The following TMEM255B variants were observed in gnomAD, a reference collection of about 807,000 sequenced individuals.
The protein encoded by TMEM255B is family with sequence similarity 70, member B.
In TMEM255B, 35 loss-of-function variants were observed where a neutral mutation model predicts 34.5. That is an observed-to-expected ratio of 1.01 (90% CI 0.77 to 1.34). The LOEUF (loss-of-function observed/expected upper bound fraction) is 1.34, where lower values mean the gene tolerates loss of function less well. Among genes scored for constraint, TMEM255B ranks in the 40% most tolerant of loss-of-function variants. The probability of loss-of-function intolerance (pLI) is 0.00; values close to 1 mark genes in which losing one functional copy is unlikely to be tolerated. For missense variants in TMEM255B, 432 were observed against 433.2 expected (o/e 1.00, Z 0.02); for synonymous variants, 206 against 201.2 (o/e 1.02, Z -0.20).
At chr13:113,804,480 G>T (rs1188137383) in intron 7 of TMEM255B, among the ~76,000 whole-genome samples, 1 of 152,176 alleles carries the variant, frequency 6.6e-6, no homozygotes, top group Non-Finnish European at 1.5e-5. Context: ...GTAAAAGAGA[G>T]CCCGAGCCGA....
At chr13:113,771,881 G>T (rs1440057199) in intron 3 of TMEM255B, among the ~76,000 whole-genome samples, 2 of 152,136 alleles carry the variant, frequency 1.3e-5, no homozygotes, top group African/African-American at 4.8e-5. Flanking sequence ...GAGTGGAATT[G>T]CTGGGTCATA....
chr13:113,815,084 C>G lies in TMEM255B; in HGVS notation c.*3181C>G, dbSNP rs1351805800. 1 of 152,096 alleles carries G rather than the reference C, an allele frequency of 6.6e-6. No individual in the cohort carries two copies. Among genetic ancestry groups the G allele is most frequent in the Non-Finnish European group, 1.5e-5 (1 of 68,090 alleles). 9.4% of individuals were successfully genotyped at this position (152,096 alleles called of 1,614,324 possible). A position where few individuals can be genotyped will look rare whatever the true frequency, so the allele number is the denominator to read the frequency against. ...AGGGGTCCGTTGAGACTGGCCCCACCTTATTAGCTTGGGACCTTGGGTTAC... is the reference window on the plus strand; with the variant it reads ...AGGGGTCCGTTGAGACTGGCCCCACGTTATTAGCTTGGGACCTTGGGTTAC... On this transcript the variant is annotated 3_prime_UTR_variant, in exon 9 of 9. Transcript: ENST00000375353.
At chr13:113,811,227 TGA>T (rs2051295280) in intron 8 of TMEM255B, among the ~76,000 whole-genome samples, 1 of 58,542 alleles carries the variant, frequency 1.7e-5, no homozygotes, top group Non-Finnish European at 3.1e-5. Flanking sequence ...GGGGGGCCGG[TGA>T]GAGAGGTCCT....
chr13:113,809,925 C>T (rs1453932450), intron 8 of TMEM255B, among the ~76,000 whole-genome samples: 3 of 152,158 alleles, frequency 2.0e-5, no homozygotes, highest in South Asian at 2.1e-4. Flanking sequence ...GTGTGAGTTT[C>T]GGGGGAAGAA....
At chr13:113,773,904 A>G (rs562261977) in intron 3 of TMEM255B, among the ~76,000 whole-genome samples, 65 of 152,330 alleles carry the variant, frequency 4.3e-4, no homozygotes, top group African/African-American at 1.4e-3. Context: ...AGAACATTCA[A>G]GTTATTTCAA....
At chr13:113,795,645 A>T in intron 4 of TMEM255B, among the ~76,000 whole-genome samples, 1 of 149,494 alleles carries the variant, frequency 6.7e-6, no homozygotes, top group East Asian at 2.0e-4. Context: ...CAGAGCACAC[A>T]GCACACACAC....
In TMEM255B at chr13:113,770,928, C is replaced by T. The variant is rs1443834714; in HGVS notation, c.252+1768C>T. On this transcript the variant is annotated intron_variant, in intron 3 of 8. Transcript: ENST00000375353. This position sits in a 1 kb window ranked among gnomAD's most constrained non-coding sequence, Gnocchi z 4.6. ...AAAGAGGCAGAAGCTGGGTGTGAAG[C>T]TGGGCTTTGGCGATGCACAGGATGG... Among the ~76,000 whole-genome samples, 1 of 152,156 alleles carries T rather than the reference C, an allele frequency of 6.6e-6. No homozygotes were observed. The highest frequency in any genetic ancestry group is 1.5e-5 in the Non-Finnish European group (1 of 68,024).
chr13:113,789,833 G>A (rs2050798186), intron 3 of TMEM255B, among the ~76,000 whole-genome samples: 1 of 151,938 alleles, frequency 6.6e-6, no homozygotes, highest in South Asian at 2.1e-4. Flanking sequence ...CGTGTACATG[G>A]ACATCCTAGC....
At chr13:113,766,323 G>A (rs2050389337) in intron 2 of TMEM255B, 66 bp downstream of exon 2, 1 of 1,605,734 alleles carries the variant, frequency 6.2e-7, no homozygotes, top group South Asian at 1.1e-5. Flanking sequence ...TCTCAGGGTG[G>A]AGTCCACGCC....
chr13:113,799,550 T>C (rs1460901194), intron 5 of TMEM255B, 131 bp downstream of exon 5: 2 of 806,266 alleles, frequency 2.5e-6, no homozygotes, highest in East Asian at 5.3e-5. Flanking sequence ...CCCCTGCAGC[T>C]GGTGAACCGT....
At chr13:113,772,581 C>T (rs1279596550) in intron 3 of TMEM255B, among the ~76,000 whole-genome samples, 2 of 152,154 alleles carry the variant, frequency 1.3e-5, no homozygotes, top group African/African-American at 4.8e-5. Context: ...CTTGAGTTAA[C>T]TTTCTTCATG....
rs1166154211 is a variant in TMEM255B, at chr13:113,799,502, G to T, written c.423+83G>T. The T allele has an allele frequency of 7.6e-6, 10 of 1,309,236 alleles. No homozygotes were observed. The African/African-American group carries it at 1.2e-4, about 15-fold the overall frequency. 81.1% of individuals were successfully genotyped at this position (1,309,236 alleles called of 1,614,324 possible). On this transcript the variant is annotated intron_variant, in intron 5 of 8. Transcript: ENST00000375353. Reference sequence around the variant, plus strand: ...CGCGGTTTTCCCTGCACATAGGCGTGGTCTGAATATTTTGATTCTAATAGT... The same window carrying T: ...CGCGGTTTTCCCTGCACATAGGCGTTGTCTGAATATTTTGATTCTAATAGT...
In TMEM255B at chr13:113,770,169, C is replaced by T. The variant is rs963324438; in HGVS notation, c.252+1009C>T. On this transcript the variant is annotated intron_variant, in intron 3 of 8. Coordinates refer to ENST00000375353, the MANE Select transcript of TMEM255B (RefSeq NM_182614.4). This position sits in a 1 kb window ranked among gnomAD's most constrained non-coding sequence, Gnocchi z 4.6. ...GTTCCACGTGGCTGGGGAAGCCTCA[C>T]GATCACGGCGGAAGGTAAGGAGGAG... 6.6e-6 allele frequency among the ~76,000 whole-genome samples: 1 copy of T among 152,190 alleles called. No individual in the cohort carries two copies. Among genetic ancestry groups the T allele is most frequent in the African/African-American group, 2.4e-5 (1 of 41,446 alleles).
chr13:113,766,295 C>T (rs1271647613), intron 2 of TMEM255B, 38 bp downstream of exon 2: 2 of 1,612,020 alleles, frequency 1.2e-6, no homozygotes, highest in East Asian at 2.2e-5. Flanking sequence ...CCGGGGAGGG[C>T]AGGGTGGTGT....
intron 7 of TMEM255B, among the ~76,000 whole-genome samples, chr13:113,803,881 G>C (rs1306389351): frequency 6.4e-5 from 1 of 15,630 alleles, no homozygotes; most frequent in Non-Finnish European, 1.2e-4. Context: ...CCTCAGGCCT[G>C]GGGTCATCAC....
chr13:113,776,799 C>T (rs1243848975), intron 3 of TMEM255B, among the ~76,000 whole-genome samples: 2 of 152,134 alleles, frequency 1.3e-5, no homozygotes, highest in Non-Finnish European at 2.9e-5. Flanking sequence ...CATCCTGATG[C>T]GTGAGCTGGT....
intron 2 of TMEM255B, among the ~76,000 whole-genome samples, chr13:113,768,639 G>A (rs775073491): frequency 2.2e-4 from 33 of 152,210 alleles, no homozygotes; most frequent in Non-Finnish European, 4.6e-4. Flanking sequence ...GAGTTAGGCC[G>A]TCTGAGCAGG....
intron 8 of TMEM255B, among the ~76,000 whole-genome samples, chr13:113,809,255 T>C (rs542118062): frequency 8.4e-6 from 1 of 118,420 alleles, no homozygotes; most frequent in Admixed American, 8.4e-5. Context: ...GGGGGTTTAC[T>C]CTGTGGTTCC....
rs2050469179 is a variant in TMEM255B, at chr13:113,770,992, A to G, written c.252+1832A>G. ...GTCTGTTTTTCTTTCCTTTTAAAAA[A>G]ATGGCTTTAATGAGATATAGTCCAC... On this transcript the variant is annotated intron_variant, in intron 3 of 8. Coordinates refer to ENST00000375353, the MANE Select transcript of TMEM255B (RefSeq NM_182614.4). This position sits in a 1 kb window ranked among gnomAD's most constrained non-coding sequence, Gnocchi z 4.6. 6.6e-6 allele frequency among the ~76,000 whole-genome samples: 1 copy of G among 152,196 alleles called. No homozygotes were observed. The highest frequency in any genetic ancestry group is 6.5e-5 in the Admixed American group (1 of 15,288).
Sources: allele counts gnomAD v4.1 joint callset (sites outside exome capture counted in the v4.1 genomes callset), GRCh38; gene constraint gnomAD v4.1.1; non-coding constraint Gnocchi (gnomAD v3.1); transcripts MANE v1.5; gene names NCBI Gene and HGNC (gene_info 2026-07-23, HGNC 2026-07-21).